Variants in ANKMY2 observed in about 807,000 individuals in gnomAD.
The protein encoded by ANKMY2 is ankyrin repeat and MYND domain-containing protein 2.
A neutral mutation model predicts 50.4 loss-of-function variants in ANKMY2; 36 were observed. That is an observed-to-expected ratio of 0.71 (90% CI 0.55 to 0.94). The LOEUF is 0.94. ANKMY2 is among the 40% of genes least tolerant of loss of function. The pLI, the probability that ANKMY2 is intolerant of heterozygous loss-of-function variation, is 0.00. For synonymous variants in ANKMY2, 187 were observed against 178.8 expected, an observed-to-expected ratio of 1.05 and a Z score of -0.36; for missense variants, 565 against 524.0, an observed-to-expected ratio of 1.08 and a Z score of -0.76.
intron 5 of ANKMY2, among the ~76,000 whole-genome samples, chr7:16,613,953 T>G (rs1451750751): frequency 6.6e-6 from 1 of 150,610 alleles, no homozygotes; most frequent in Non-Finnish European, 1.5e-5. Context: ...CCACAAACCC[T>G]TACTGCAATC....
chr7:16,615,634 C>T (rs1781332316), intron 5 of ANKMY2, 110 bp downstream of exon 5: 1 of 1,401,024 alleles, frequency 7.1e-7, no homozygotes, highest in East Asian at 2.5e-5. Flanking sequence ...ACTGCAAGCT[C>T]TACAACTACA....
At chr7:16,644,803 T>TG in intron 1 of ANKMY2, 1 of 456,404 alleles carries the variant, frequency 2.2e-6, no homozygotes, top group Non-Finnish European at 4.5e-6. Flanking sequence ...ACTGCGGAAG[T>TG]GGGGCACGCC....
intron 2 of ANKMY2, among the ~76,000 whole-genome samples, chr7:16,630,855 G>A (rs1437042624): frequency 1.3e-5 from 2 of 152,190 alleles, no homozygotes; most frequent in Non-Finnish European, 2.9e-5. Context: ...GAGTTAGGGA[G>A]GCAAGGAATG....
intron 5 of ANKMY2, 116 bp downstream of exon 5, chr7:16,615,628 C>A: frequency 7.6e-7 from 1 of 1,318,486 alleles, no homozygotes. Context: ...GAGCCCACTG[C>A]AAGCTCTACA....
intron 1 of ANKMY2, among the ~76,000 whole-genome samples, chr7:16,642,995 C>G (rs1781765411): frequency 6.6e-6 from 1 of 152,200 alleles, no homozygotes; most frequent in Non-Finnish European, 1.5e-5. Flanking sequence ...CACTAAGTTT[C>G]CTAACTTCCC....
intron 9 of ANKMY2, among the ~76,000 whole-genome samples, chr7:16,601,407 A>G (rs1781062198): frequency 6.6e-6 from 1 of 152,266 alleles, no homozygotes; most frequent in South Asian, 2.1e-4. Flanking sequence ...ATGATGCTTA[A>G]CAACTGGGAG....
rs1261687612 is a variant in ANKMY2 at position 16,610,636 on chromosome 7, A to G, written c.659T>C (p.Met220Thr). 1.2e-6 allele frequency: 2 copies of G among 1,614,054 alleles called. No homozygotes were observed. Among genetic ancestry groups the G allele is most frequent in the East Asian group, 4.5e-5 (2 of 44,840 alleles). Residue 220 changes from methionine (M) to threonine (T), a missense_variant, in exon 6 of 10, where the codon ATG becomes ACG. By Grantham distance (81) the Met-to-Thr change is moderately conservative (BLOSUM62 -1). Transcript: ENST00000306999. ...GATACAGCTTATGTAATGCATCTTC[A>G]TAGCCAATACTTCATTCATGTCTCT... ...KQRDMNEVLA[M>T]KMHYISCIFQ...
chr7:16,609,685 T>C lies in ANKMY2; in HGVS notation c.827A>G (p.Tyr276Cys). Residue 276 changes from tyrosine to cysteine, a missense_variant, in exon 7 of 10, where the codon TAC becomes TGC. Physicochemically the swap from Tyr to Cys is radical, Grantham distance 194. Transcript: ENST00000306999. ...IIRESIRKFPYCEATLLQQLV... is the reference protein window; with the variant it reads ...IIRESIRKFPCCEATLLQQLV... ...CTGCTGGAGGAGTGTAGCTTCACAG[T>C]AAGGAAATTTTCTGATACTTTCTCT... 3 of 1,613,054 alleles carry C rather than the reference T, an allele frequency of 1.9e-6. No individual in the cohort carries two copies. Among genetic ancestry groups the C allele is most frequent in the East Asian group, 2.2e-5 (1 of 44,758 alleles).
At chr7:16,642,706 C>T (rs1200446674) in intron 1 of ANKMY2, among the ~76,000 whole-genome samples, 1 of 150,770 alleles carries the variant, frequency 6.6e-6, no homozygotes, top group Admixed American at 6.6e-5. Context: ...CTTTTTGGCA[C>T]AAATATAAAC....
rs764341558 is a variant in ANKMY2, at chr7:16,610,720, G to C, written c.575C>G (p.Ala192Gly). The C allele has an allele frequency of 5.0e-6, 8 of 1,613,780 alleles. No homozygotes were observed. In the East Asian group the frequency reaches 1.8e-4, roughly 36 times the overall value. The change falls in exon 6 of 10, where the codon GCA becomes GGA. Residue 192 changes from alanine (A) to glycine (G), a missense_variant. Transcript: ENST00000306999. ...VNENPLLTEE[A>G]ALNKCYRVMD... The stretch of plus-strand genomic sequence containing the variant: ...CACTCTGTAGCATTTATTCAGGGCT[G>C]CTTCTTCTGTCAGCAGAGGATTCTC...
intron 4 of ANKMY2, 116 bp downstream of exon 4, chr7:16,624,867 C>T: frequency 1.2e-6 from 1 of 813,252 alleles, no homozygotes; most frequent in Non-Finnish European, 2.0e-6. Context: ...ACTGTAAATA[C>T]TTAAGTTTTT....
rs761397022 is a variant in ANKMY2, at chr7:16,627,034, C to G, written c.271+6G>C. The stretch of plus-strand genomic sequence containing the variant: ...TAACTTATATTTATAAATACTAAAA[C>G]TTCACCAGAAAGTGCAGCAAACATG... On this transcript the variant is annotated splice_donor_region_variant and intron_variant, in intron 3 of 9. Transcript: ENST00000306999. 6.3e-7 allele frequency: 1 copy of G among 1,591,672 alleles called. No homozygotes were observed.
chr7:16,638,361 G>T (rs1197450036), intron 1 of ANKMY2, among the ~76,000 whole-genome samples: 1 of 152,122 alleles, frequency 6.6e-6, no homozygotes, highest in Non-Finnish European at 1.5e-5. Context: ...AATTTGCTAG[G>T]ACAGCTCACA....
At chr7:16,625,677 G>T (rs1781497533) in intron 3 of ANKMY2, among the ~76,000 whole-genome samples, 1 of 152,028 alleles carries the variant, frequency 6.6e-6, no homozygotes, top group Admixed American at 6.6e-5. Context: ...AACAGTTCCT[G>T]GGAAATATTG....
chr7:16,613,915 T>A (rs1186907221), intron 5 of ANKMY2, among the ~76,000 whole-genome samples: 1 of 120,026 alleles, frequency 8.3e-6, no homozygotes, highest in Non-Finnish European at 1.7e-5. Flanking sequence ...AGCAAGACCC[T>A]ATCTCAAAAA....
chr7:16,625,063 C>CATGTGA lies in ANKMY2; in HGVS notation c.284_289dup (p.Thr96_Trp97insPheThr). ...CTCAGCACCAGCTTCTAACATTACC[C>CATGTGA]ATGTGATGTCTTTATTACCTAGAGT... On this transcript the variant is annotated inframe_insertion, in exon 4 of 10. Transcript: ENST00000306999. 6.2e-7 allele frequency: 1 copy of CATGTGA among 1,613,722 alleles called. No homozygotes were observed. The highest frequency in any genetic ancestry group is 8.5e-7 in the Non-Finnish European group (1 of 1,179,674).
At chr7:16,642,249 A>AT (rs1378427017) in intron 1 of ANKMY2, among the ~76,000 whole-genome samples, 1 of 152,240 alleles carries the variant, frequency 6.6e-6, no homozygotes. Context: ...AATTTATTTC[A>AT]TAATAGTGCT....
At chr7:16,604,362 A>G (rs1781119154) in intron 8 of ANKMY2, among the ~76,000 whole-genome samples, 1 of 152,234 alleles carries the variant, frequency 6.6e-6, no homozygotes, top group Non-Finnish European at 1.5e-5. Flanking sequence ...TAAAGAATGT[A>G]TATTTATGAA....
intron 9 of ANKMY2, among the ~76,000 whole-genome samples, chr7:16,601,739 C>G (rs951073458): frequency 6.6e-6 from 1 of 152,132 alleles, no homozygotes; most frequent in African/African-American, 2.4e-5. Flanking sequence ...ATGATACATT[C>G]TCTGGAATGA....
Sources: allele counts gnomAD v4.1 joint callset (sites outside exome capture counted in the v4.1 genomes callset), GRCh38; gene constraint gnomAD v4.1.1; transcripts MANE v1.5; gene names NCBI Gene and HGNC (gene_info 2026-07-23, HGNC 2026-07-21).